The following LARGE1 variants were observed in gnomAD, a reference collection of about 807,000 sequenced individuals.
The protein encoded by LARGE1 is xylosyl- and glucuronyltransferase LARGE1.
LARGE1 carries 43 observed loss-of-function variants against 87.6 expected under a neutral mutation model. The ratio of observed to expected loss-of-function variants is 0.49; its 90% confidence interval spans 0.38 to 0.63. The LOEUF (loss-of-function observed/expected upper bound fraction) is 0.63. Ranked by LOEUF, LARGE1 falls within the 30% of genes least tolerant of loss-of-function variation. The pLI, the probability that LARGE1 is intolerant of heterozygous loss-of-function variation, is 0.00. For missense variants in LARGE1, 802 were observed against 1,000.2 expected (o/e 0.80, Z 2.67); for synonymous variants, 434 against 394.6 (o/e 1.10, Z -1.18).
intron 1 of LARGE1, among the ~76,000 whole-genome samples, chr22:33,873,639 G>A (rs1054111768): frequency 1.3e-5 from 2 of 152,224 alleles, no homozygotes; most frequent in African/African-American, 2.4e-5. Context: ...GTCCAACAAC[G>A]TGCCTCTGTT....
intron 9 of LARGE1, among the ~76,000 whole-genome samples, chr22:33,349,824 C>T (rs1042727251): frequency 3.9e-5 from 6 of 152,162 alleles, no homozygotes; most frequent in Non-Finnish European, 5.9e-5. Flanking sequence ...TTCCTATTGC[C>T]TTTTGGTTTT....
intron 6 of LARGE1, among the ~76,000 whole-genome samples, chr22:33,560,310 CAG>C (rs1413664787): frequency 6.6e-6 from 1 of 152,168 alleles, no homozygotes; most frequent in Admixed American, 6.5e-5. Context: ...AGGAACAACA[CAG>C]AGTCTATTAG....
intron 6 of LARGE1, among the ~76,000 whole-genome samples, chr22:33,461,506 T>G (rs2148013399): frequency 6.6e-6 from 1 of 152,074 alleles, no homozygotes; most frequent in South Asian, 2.1e-4. Context: ...CACTGGGGCC[T>G]GTCATGGGGT....
At chr22:33,835,913 C>T (rs2146367760) in intron 1 of LARGE1, among the ~76,000 whole-genome samples, 1 of 152,332 alleles carries the variant, frequency 6.6e-6, no homozygotes, top group Middle Eastern at 3.4e-3. Flanking sequence ...ATTCCTCTTC[C>T]TCCCAACTGT....
chr22:33,272,342 A>G (rs1055482001), downstream of LARGE1, among the ~76,000 whole-genome samples: 6 of 152,080 alleles, frequency 3.9e-5, no homozygotes, highest in Non-Finnish European at 8.8e-5. Context: ...CACAGGGGAG[A>G]GAGAAAGTCA....
chr22:33,459,021 A>C (rs2068255536), intron 6 of LARGE1, among the ~76,000 whole-genome samples: 1 of 151,018 alleles, frequency 6.6e-6, no homozygotes, highest in Non-Finnish European at 1.5e-5. Context: ...TTTTTTTTTA[A>C]TTTCTTCTAA....
At chr22:33,499,331 C>T (rs2070319261) in intron 6 of LARGE1, among the ~76,000 whole-genome samples, 1 of 152,194 alleles carries the variant, frequency 6.6e-6, no homozygotes, top group Non-Finnish European at 1.5e-5. Flanking sequence ...CTGACCTCAT[C>T]CCTGTTCAAA....
chr22:33,592,168 T>C (rs1230961656), intron 5 of LARGE1, among the ~76,000 whole-genome samples: 1 of 152,026 alleles, frequency 6.6e-6, no homozygotes, highest in East Asian at 1.9e-4. Context: ...TATAATTTTC[T>C]TTGTTTTCCT....
intron 2 of LARGE1, among the ~76,000 whole-genome samples, chr22:33,680,668 A>T (rs1045827961): frequency 6.6e-6 from 1 of 152,160 alleles, no homozygotes; most frequent in Non-Finnish European, 1.5e-5. Context: ...GCCGCCCATG[A>T]GTGTGAAAGA....
chr22:33,109,793 T>C, the LARGE1 span, among the ~76,000 whole-genome samples: 1 of 152,132 alleles, frequency 6.6e-6, no homozygotes, highest in Admixed American at 6.5e-5. Flanking sequence ...GAGATCTGGT[T>C]GTTTAAAGGA....
intron 9 of LARGE1, among the ~76,000 whole-genome samples, chr22:33,371,853 G>A (rs945499673): frequency 2.0e-5 from 3 of 151,966 alleles, no homozygotes; most frequent in Non-Finnish European, 4.4e-5. Flanking sequence ...GCATGGTGGC[G>A]GGCGCCTGTA....
chr22:33,571,283 A>T (rs1358359136), intron 5 of LARGE1, among the ~76,000 whole-genome samples: 1 of 152,162 alleles, frequency 6.6e-6, no homozygotes, highest in East Asian at 1.9e-4. Context: ...GCCTTCTTGA[A>T]GAAGCTGCCA....
At chr22:33,412,957 G>A (rs1478729190) in intron 7 of LARGE1, among the ~76,000 whole-genome samples, 1 of 152,104 alleles carries the variant, frequency 6.6e-6, no homozygotes, top group Non-Finnish European at 1.5e-5. Flanking sequence ...CACCGTGCCC[G>A]GCCTTGATTT....
intron 12 of LARGE1, among the ~76,000 whole-genome samples, chr22:33,286,162 C>A (rs750582016): frequency 3.9e-5 from 6 of 152,210 alleles, no homozygotes; most frequent in Non-Finnish European, 8.8e-5. Flanking sequence ...CAGCCTGTCC[C>A]AGCCTGGATT....
At chr22:33,606,039 C>G (rs1011835129) in intron 4 of LARGE1, among the ~76,000 whole-genome samples, 3 of 151,828 alleles carry the variant, frequency 2.0e-5, no homozygotes, top group Non-Finnish European at 4.4e-5. Flanking sequence ...GAGTGGGGGC[C>G]GGGGGCGGAG....
In LARGE1 at chr22:33,556,683, C is replaced by T. The variant is rs184959330; in HGVS notation, c.787+8165G>A. 5.5e-3 allele frequency among the ~76,000 whole-genome samples: 831 copies of T among 149,916 alleles called. 7 individuals are homozygous for T. The highest frequency in any genetic ancestry group is 8.6e-3 in the Non-Finnish European group (578 of 67,036). On this transcript the variant is annotated intron_variant, in intron 6 of 14. Transcript: ENST00000397394. ...TTAGGGTTGGTTTCTGGTCTGTGAACTCTCTGAAATTTCAGGCTGAAGAAC... is the reference window on the plus strand; with the variant it reads ...TTAGGGTTGGTTTCTGGTCTGTGAATTCTCTGAAATTTCAGGCTGAAGAAC...
chr22:33,463,181 C>T (rs16992391), intron 6 of LARGE1, among the ~76,000 whole-genome samples: 25,450 of 150,750 alleles, frequency 0.17, 2,341 homozygotes, highest in East Asian at 0.29. Flanking sequence ...GTAAATAGAC[C>T]CTTACTTTTT....
chr22:33,903,555 G>A lies in LARGE1; in HGVS notation c.-83+16440C>T, dbSNP rs189662429. On this transcript the variant is annotated intron_variant, in intron 1 of 14. Transcript: ENST00000397394. ...AAAAGTCTTGAAATTGGCCAGGCGC[G>A]GTGGCTCACGCCTGTAATCTCAGCA... Among the ~76,000 whole-genome samples the A allele has an allele frequency of 3.6e-3, 554 of 152,238 alleles. 8 individuals are homozygous for A. Among genetic ancestry groups the A allele is most frequent in the African/African-American group, 0.013 (522 of 41,528 alleles).
chr22:33,663,766 G>A (rs16992761), intron 2 of LARGE1, among the ~76,000 whole-genome samples: 2,856 of 152,256 alleles, frequency 0.019, 72 homozygotes, highest in African/African-American at 0.057. Context: ...GTGGACCAAC[G>A]ATCTTCACCA....
Sources: allele counts gnomAD v4.1 joint callset (sites outside exome capture counted in the v4.1 genomes callset), GRCh38; gene constraint gnomAD v4.1.1; transcripts MANE v1.5; gene names NCBI Gene and HGNC (gene_info 2026-07-23, HGNC 2026-07-21).